PRG4: variants seen among roughly 807,000 people sequenced by gnomAD.
The protein encoded by PRG4 is articular superficial zone protein.
In PRG4, 61 loss-of-function variants were observed where a neutral mutation model predicts 91.2. That is an observed-to-expected ratio of 0.67 (90% CI 0.54 to 0.83). The LOEUF (loss-of-function observed/expected upper bound fraction) is 0.83, where lower values mean the gene tolerates loss of function less well. Ranked by LOEUF, PRG4 falls within the 40% of genes least tolerant of loss-of-function variation. The pLI, the probability that PRG4 is intolerant of heterozygous loss-of-function variation, is 0.00. For synonymous variants in PRG4, 576 were observed against 614.2 expected, an observed-to-expected ratio of 0.94 and a Z score of 0.92; for missense variants, 1,564 against 1,714.2, an observed-to-expected ratio of 0.91 and a Z score of 1.55.
chr1:186,308,534 A>G lies in PRG4; in HGVS notation c.2815A>G (p.Lys939Glu). The change falls in exon 7 of 13, where the codon AAA becomes GAA. Residue 939 changes from lysine (K) to glutamate (E), a missense_variant. Lys to Glu is a moderately conservative substitution (Grantham distance 56). Transcript: ENST00000445192. ...ETTTAAPKMTKETATTTEKTT... is the reference protein window; with the variant it reads ...ETTTAAPKMTEETATTTEKTT... ...TACAACTGCTGCACCTAAGATGACA[A>G]AAGAGACAGCAACTACAACAGAAAA... 6.2e-7 allele frequency: 1 copy of G among 1,613,750 alleles called. No individual in the cohort carries two copies. Among genetic ancestry groups the G allele is most frequent in the Admixed American group, 1.7e-5 (1 of 60,026 alleles).
intron 12 of PRG4, 187 bp downstream of exon 12, chr1:186,313,081 C>A: frequency 1.6e-6 from 1 of 617,542 alleles, no homozygotes; most frequent in Non-Finnish European, 2.8e-6. Context: ...CACTGCAATT[C>A]AATTCTGCTC....
rs777727804 is a variant in PRG4 at position 186,308,407 on chromosome 1, T to G, written c.2688T>G (p.Pro896=). 1 of 1,613,964 alleles carries G rather than the reference T, an allele frequency of 6.2e-7. No individual in the cohort carries two copies. The highest frequency in any genetic ancestry group is 8.5e-7 in the Non-Finnish European group (1 of 1,180,038). Residue 896 remains proline, a synonymous_variant, in exon 7 of 13, where the codon CCT becomes CCG. Transcript: ENST00000445192. ...PKALENSPKE[P]GVPTTKTPAA... is the part of the protein sequence containing the mutation. ...CTCTTGAAAACAGTCCCAAGGAACC[T>G]GGTGTACCTACAACTAAGACTCCTG...
intron 11 of PRG4, 53 bp downstream of exon 11, chr1:186,312,425 A>G (rs1657335643): frequency 6.8e-7 from 1 of 1,475,038 alleles, no homozygotes; most frequent in Admixed American, 1.9e-5. Flanking sequence ...GATGTAATAC[A>G]GTTTCTTATA....
At position 186,300,071 on chromosome 1, in the gene PRG4, C is replaced by A; in HGVS notation, c.77-20C>A. ...ATAAAGTGGTTTGGCCATATTTACG[C>A]CAGTATTGTATAATTTTAGATTTAT... On this transcript the variant is annotated intron_variant, in intron 2 of 12. Coordinates refer to ENST00000445192, the MANE Select transcript of PRG4 (RefSeq NM_005807.6). The A allele has an allele frequency of 6.2e-7, 1 of 1,613,764 alleles. No individual in the cohort carries two copies. The highest frequency in any genetic ancestry group is 1.3e-5 in the African/African-American group (1 of 75,032).
At position 186,301,827 on chromosome 1, in the gene PRG4, T is replaced by C. The variant is rs1362860773; in HGVS notation, c.319+116T>C. 6 of 1,362,086 alleles carry C rather than the reference T, an allele frequency of 4.4e-6. No individual in the cohort carries two copies. In the Admixed American group the frequency reaches 1.0e-4, roughly 23 times the overall value. 84.4% of individuals were successfully genotyped at this position (1,362,086 alleles called of 1,614,324 possible). A position where few individuals can be genotyped will look rare whatever the true frequency, so the allele number is the denominator to read the frequency against. ...ATCTTAGGCCTTGATTTTACTAACA[T>C]ATAAGCTATTTCATAATAATTTTGT... On this transcript the variant is annotated intron_variant, in intron 4 of 12. Coordinates refer to ENST00000445192, the MANE Select transcript of PRG4 (RefSeq NM_005807.6).
Position 186,311,115 on chromosome 1 carries a change from C to T in PRG4, c.3581C>T (p.Pro1194Leu), listed in dbSNP as rs752451203. ...ACTGAAGTTTGGGGTATTCCTTCCC[C>T]CATTGATACTGTTTTTACTAGGTGC... ...RITEVWGIPS[P>L]IDTVFTRCNC... Residue 1194 changes from proline (P) to leucine (L), a missense_variant, in exon 9 of 13, where the codon CCC becomes CTC. Pro to Leu is a moderately conservative substitution (Grantham distance 98, BLOSUM62 -3). Transcript: ENST00000445192. 3 of 1,613,464 alleles carry T rather than the reference C, an allele frequency of 1.9e-6. No homozygotes were observed. Among genetic ancestry groups the T allele is most frequent in the Admixed American group, 1.7e-5 (1 of 59,990 alleles).
intron 2 of PRG4, among the ~76,000 whole-genome samples, chr1:186,298,718 C>T (rs1042550582): frequency 3.3e-5 from 5 of 151,934 alleles, no homozygotes; most frequent in Admixed American, 3.3e-4. Context: ...CTCACCTGAC[C>T]TCAGGTGATC....
At position 186,308,949 on chromosome 1, in the gene PRG4, C is replaced by G. The variant is rs748972351; in HGVS notation, c.3230C>G (p.Thr1077Ser). 2.2e-5 allele frequency: 36 copies of G among 1,608,596 alleles called. No individual in the cohort carries two copies. The South Asian group carries it at 3.6e-4, about 16-fold the overall frequency. ...GCAGAAGCCATGCTCCAAACCACCACCAGACCTAACCAAACTCCAAACTCC... is the reference window on the plus strand; with the variant it reads ...GCAGAAGCCATGCTCCAAACCACCAGCAGACCTAACCAAACTCCAAACTCC... ...RIAEAMLQTT[T>S]RPNQTPNSKL... is the part of the protein sequence containing the mutation. Residue 1077 changes from threonine (T) to serine (S), a missense_variant, in exon 7 of 13, where the codon ACC (threonine) becomes AGC (serine). Physicochemically the swap from Thr to Ser is moderately conservative, Grantham distance 58. Around this residue, in one of 3 missense-constraint regions of PRG4, gnomAD observed 1,079 missense variants for 1,162.2 expected, o/e 0.93. Transcript: ENST00000445192.
chr1:186,299,534 A>G (rs957832907), intron 2 of PRG4, among the ~76,000 whole-genome samples: 4 of 152,236 alleles, frequency 2.6e-5, no homozygotes, highest in African/African-American at 9.6e-5. Context: ...AATTAGGACA[A>G]TTATAAGGGT....
chr1:186,297,765 A>C (rs1655952271), intron 2 of PRG4, among the ~76,000 whole-genome samples: 1 of 152,224 alleles, frequency 6.6e-6, no homozygotes, highest in African/African-American at 2.4e-5. Flanking sequence ...GTTATGATGA[A>C]ATTATGTTTC....
In PRG4 at chr1:186,308,493, G is replaced by A. The variant is rs142388523; in HGVS notation, c.2774G>A (p.Arg925His). ...AKDKTTERDL[R>H]TTPETTTAAP... ...GACAAGACAACAGAAAGAGACTTACGTACTACACCTGAAACTACAACTGCT... is the reference window on the plus strand; with the variant it reads ...GACAAGACAACAGAAAGAGACTTACATACTACACCTGAAACTACAACTGCT... The change falls in exon 7 of 13, where the codon CGT becomes CAT. Residue 925 changes from arginine to histidine, a missense_variant. By Grantham distance (29) the Arg-to-His change is conservative. Transcript: ENST00000445192. 1,591 of 1,613,640 alleles carry A rather than the reference G, an allele frequency of 9.9e-4. 6 individuals carry two copies. The highest frequency in any genetic ancestry group is 1.4e-3 in the South Asian group (132 of 91,066).
In PRG4 at chr1:186,304,109, G is replaced by A. The variant is rs1313846070; in HGVS notation, c.321G>A (p.Val107=). 1 of 1,614,044 alleles carries A rather than the reference G, an allele frequency of 6.2e-7. No homozygotes were observed. Among genetic ancestry groups the A allele is most frequent in the Admixed American group, 1.7e-5 (1 of 60,014 alleles). Residue 107 remains valine, a splice_region_variant and synonymous_variant, in exon 5 of 13, where the codon GTG becomes GTA. Coordinates refer to ENST00000445192, the MANE Select transcript of PRG4 (RefSeq NM_005807.6). ...CTGACTTGTCTTACTTGGCCTCAGT[G>A]CATAATCCCACATCACCACCATCTT... is the stretch of plus-strand genomic sequence containing the variant. ...CPDYESFCAE[V]HNPTSPPSSK...
At chr1:186,310,895 GTTCAAATACTACCT>G in intron 8 of PRG4, 125 bp from the exon 9 acceptor site, 2 of 925,736 alleles carry the variant, frequency 2.2e-6, no homozygotes, top group Admixed American at 4.7e-5. Context: ...TCTCAGAAAT[GTTCAAATACTACCT>G]TTTGTATCTG....
chr1:186,309,688 A>C (rs1657029732), intron 7 of PRG4, 105 bp from the exon 8 acceptor site: 1 of 861,182 alleles, frequency 1.2e-6, no homozygotes, highest in East Asian at 2.5e-5. Flanking sequence ...TCAAGATCTT[A>C]GAAAAGGTAA....
At chr1:186,311,205 A>G (rs763130322) in intron 9 of PRG4, 35 bp downstream of exon 9, 3 of 1,582,986 alleles carry the variant, frequency 1.9e-6, no homozygotes, top group Non-Finnish European at 2.6e-6. Context: ...AAATTTAATA[A>G]TAATTTGTAA....
At position 186,306,540 on chromosome 1, in the gene PRG4, C is replaced by T. The variant is rs765722553; in HGVS notation, c.821C>T (p.Thr274Met). The T allele has an allele frequency of 1.3e-5, 21 of 1,612,752 alleles. No homozygotes were observed. Among genetic ancestry groups the T allele is most frequent in the East Asian group, 4.5e-5 (2 of 44,898 alleles). Residue 274 changes from threonine (T) to methionine (M), a missense_variant, in exon 7 of 13, where the codon ACG (threonine) becomes ATG (methionine). Transcript: ENST00000445192. The stretch of plus-strand genomic sequence containing the variant: ...CCTAATTCTGATACATCTAAAGAGA[C>T]GTCTTTGACAGTGAATAAAGAGACA... Reference protein sequence around the residue: ...LPPNSDTSKETSLTVNKETTV... With the variant: ...LPPNSDTSKEMSLTVNKETTV...
chr1:186,306,755 A>C lies in PRG4; in HGVS notation c.1036A>C (p.Thr346Pro). The change falls in exon 7 of 13, where the codon ACT (threonine) becomes CCT (proline). Residue 346 changes from threonine (T) to proline (P), a missense_variant. Transcript: ENST00000445192. ...TACAACCAAAGGCCCTGCTCTCACC[A>C]CTCCCAAGGAGCCCACGCCCACCAC... The part of the protein sequence containing the change: ...ETTTKGPALT[T>P]PKEPTPTTPK... 1 of 1,612,970 alleles carries C rather than the reference A, an allele frequency of 6.2e-7. No individual in the cohort carries two copies.
At chr1:186,309,762 A>G (rs201044692) in intron 7 of PRG4, 31 bp from the exon 8 acceptor site, 24 of 1,455,720 alleles carry the variant, frequency 1.6e-5, no homozygotes, top group South Asian at 3.4e-5. Context: ...ATTCTGTTCT[A>G]TATTTGTTTT....
Position 186,301,655 on chromosome 1 carries a change from C to A in PRG4, c.263C>A (p.Ala88Asp). 1 of 1,613,754 alleles carries A rather than the reference C, an allele frequency of 6.2e-7. No homozygotes were observed. Among genetic ancestry groups the A allele is most frequent in the Non-Finnish European group, 8.5e-7 (1 of 1,179,768 alleles). ...FERGRECDCD[A>D]QCKKYDKCCP... ...AGAGGGAGGGAGTGTGACTGCGACG[C>A]CCAATGTAAGAAGTATGACAAGTGC... Residue 88 changes from alanine to aspartate, a missense_variant, in exon 4 of 13, where the codon GCC becomes GAC. By Grantham distance (126) the Ala-to-Asp change is moderately radical. Coordinates refer to ENST00000445192, the MANE Select transcript of PRG4 (RefSeq NM_005807.6).
Sources: allele counts gnomAD v4.1 joint callset (sites outside exome capture counted in the v4.1 genomes callset), GRCh38; gene constraint gnomAD v4.1.1; regional missense constraint gnomAD v4.1.1; transcripts MANE v1.5; gene names NCBI Gene and HGNC (gene_info 2026-07-23, HGNC 2026-07-21).